F2R: variants seen among roughly 807,000 people sequenced by gnomAD.
The protein encoded by F2R is proteinase-activated receptor 1.
F2R carries 12 observed loss-of-function variants against 18.3 expected under a neutral mutation model. The ratio of observed to expected loss-of-function variants is 0.66; its 90% CI spans 0.42 to 1.06. F2R has a LOEUF of 1.06. F2R is among the 50% of genes least tolerant of loss of function. F2R has a pLI of 0.00. For missense variants in F2R, 438 were observed against 530.8 expected, an observed-to-expected ratio of 0.83 and a Z score of 1.72; for synonymous variants, 210 against 219.9, an observed-to-expected ratio of 0.95 and a Z score of 0.40.
chr5:76,716,370 T>C lies in F2R; in HGVS notation c.63T>C (p.Ser21=), dbSNP rs1181174026. 2.1e-6 allele frequency: 3 copies of C among 1,461,218 alleles called. No homozygotes were observed. Among genetic ancestry groups the C allele is most frequent in the Admixed American group, 5.1e-5 (2 of 39,564 alleles). The allele number at this position is 1,461,218 out of a possible 1,614,324, so 90.5% of individuals were successfully genotyped here. A position where few individuals can be genotyped will look rare whatever the true frequency, so the allele number is the denominator to read the frequency against. The change falls in exon 1 of 2, where the codon TCT becomes TCC. Residue 21 remains serine (S), a synonymous_variant. Transcript: ENST00000319211. ...ACFSLCGPLL[S]ARTRARRPES... is the part of the protein sequence containing the mutation. Reference sequence around the variant, plus strand: ...TCAGTCTGTGCGGCCCGCTGTTGTCTGCCCGCACCCGGGCCCGCAGGCCAG... The same window carrying C: ...TCAGTCTGTGCGGCCCGCTGTTGTCCGCCCGCACCCGGGCCCGCAGGCCAG...
Position 76,733,257 on chromosome 5 carries a change from C to T in F2R, c.1032C>T (p.Ser344=). 6.2e-7 allele frequency: 1 copy of T among 1,614,166 alleles called. No individual in the cohort carries two copies. Among genetic ancestry groups the T allele is most frequent in the South Asian group, 1.1e-5 (1 of 91,084 alleles). The change falls in exon 2 of 2, where the codon TCC becomes TCT. Residue 344 remains serine (S), a synonymous_variant. Coordinates refer to ENST00000319211, the MANE Select transcript of F2R (RefSeq NM_001992.5). ...IAHYSFLSHT[S]TTEAAYFAYL... The stretch of plus-strand genomic sequence containing the variant: ...ATTACTCATTCCTTTCTCACACTTC[C>T]ACCACAGAGGCTGCCTACTTTGCCT...
intron 1 of F2R, among the ~76,000 whole-genome samples, chr5:76,727,854 C>T (rs180841163): frequency 8.1e-5 from 12 of 148,786 alleles, no homozygotes; most frequent in East Asian, 2.0e-4. Flanking sequence ...GGTTGGTTTC[C>T]GCTCACTGTC....
chr5:76,727,445 T>TTG (rs1340862809), intron 1 of F2R, among the ~76,000 whole-genome samples: 3 of 152,224 alleles, frequency 2.0e-5, no homozygotes, highest in Non-Finnish European at 4.4e-5. Flanking sequence ...GTTCTTACCC[T>TTG]TAAGGATCAA....
At chr5:76,726,787 T>A (rs1370537892) in intron 1 of F2R, among the ~76,000 whole-genome samples, 3 of 151,962 alleles carry the variant, frequency 2.0e-5, no homozygotes, top group Admixed American at 6.6e-5. Context: ...ACAAAAAAAA[T>A]TAAAAATAAA....
chr5:76,716,903 C>T, intron 1 of F2R: 1 of 489,286 alleles, frequency 2.0e-6, no homozygotes, highest in Non-Finnish European at 3.6e-6. Context: ...GCATGTTTAG[C>T]AGAGAATCAG....
intron 1 of F2R, among the ~76,000 whole-genome samples, chr5:76,727,669 A>G (rs2227831): frequency 0.026 from 3,974 of 152,126 alleles, 57 homozygotes; most frequent in Non-Finnish European, 0.039. Context: ...ATAGATGCCA[A>G]CATATTGTAT....
At chr5:76,717,088 C>T (rs27593) in intron 1 of F2R, among the ~76,000 whole-genome samples, 113,302 of 152,140 alleles carry the variant, frequency 0.74, 42,315 homozygotes, top group Middle Eastern at 0.77. Flanking sequence ...CTCCCCAGGA[C>T]CGGGCTCCCT....
At chr5:76,731,008 C>G (rs1010935112) in intron 1 of F2R, among the ~76,000 whole-genome samples, 1 of 152,208 alleles carries the variant, frequency 6.6e-6, no homozygotes, top group Non-Finnish European at 1.5e-5. Flanking sequence ...CCAGGAACCT[C>G]CATGTGTTCA....
At chr5:76,726,700 C>CA (rs886115667) in intron 1 of F2R, among the ~76,000 whole-genome samples, 4 of 150,204 alleles carry the variant, frequency 2.7e-5, no homozygotes, top group East Asian at 3.9e-4. Context: ...GACTCCATCT[C>CA]AAAAAAAAAT....
Position 76,732,764 on chromosome 5 carries a change from C to T in F2R, c.539C>T (p.Ala180Val). ...FGSELCRFVT[A>V]AFYCNMYASI... is the part of the protein sequence containing the mutation. ...TCTGAATTGTGTCGCTTCGTCACTG[C>T]AGCATTTTACTGTAACATGTACGCC... is the stretch of plus-strand genomic sequence containing the variant. The change falls in exon 2 of 2, where the codon GCA becomes GTA. Residue 180 changes from alanine to valine, a missense_variant. Physicochemically the swap from Ala to Val is moderately conservative, Grantham distance 64. Transcript: ENST00000319211. 6.2e-7 allele frequency: 1 copy of T among 1,614,190 alleles called. No homozygotes were observed. The highest frequency in any genetic ancestry group is 1.1e-5 in the South Asian group (1 of 91,088).
Position 76,732,738 on chromosome 5 carries a change from G to A in F2R, c.513G>A (p.Gly171=), listed in dbSNP as rs900744536. 2.5e-6 allele frequency: 4 copies of A among 1,614,062 alleles called. No individual in the cohort carries two copies. The highest frequency in any genetic ancestry group is 3.3e-4 in the Middle Eastern group (2 of 6,084). The change falls in exon 2 of 2, where the codon GGG becomes GGA. Residue 171 remains glycine, a synonymous_variant. Coordinates refer to ENST00000319211, the MANE Select transcript of F2R (RefSeq NM_001992.5). ...TTTCCGGCAGTGATTGGCAGTTTGGGTCTGAATTGTGTCGCTTCGTCACTG... is the reference window on the plus strand; with the variant it reads ...TTTCCGGCAGTGATTGGCAGTTTGGATCTGAATTGTGTCGCTTCGTCACTG... ...YYFSGSDWQF[G]SELCRFVTAA... is the part of the protein sequence containing the mutation.
intron 1 of F2R, among the ~76,000 whole-genome samples, chr5:76,728,084 A>G (rs985867579): frequency 3.9e-5 from 6 of 151,920 alleles, no homozygotes; most frequent in Admixed American, 6.6e-5. Flanking sequence ...ACAAAAAATT[A>G]TATATATTTA....
rs571447140 is a variant in F2R, at chr5:76,717,019, A to T, written c.88+624A>T. On this transcript the variant is annotated intron_variant, in intron 1 of 1. Transcript: ENST00000319211. ...CGTGGTGGCGGGGGAGGGGACATGG[A>T]GAGGATTTTGTTGTTACCTAGAACC... is the stretch of plus-strand genomic sequence containing the variant. Among the ~76,000 whole-genome samples the T allele has an allele frequency of 3.3e-5, 5 of 152,134 alleles. No homozygotes were observed. In the South Asian group the frequency reaches 1.0e-3, roughly 31 times the overall value.
At chr5:76,721,758 T>C (rs1028380337) in intron 1 of F2R, among the ~76,000 whole-genome samples, 1 of 152,150 alleles carries the variant, frequency 6.6e-6, no homozygotes, top group Non-Finnish European at 1.5e-5. Context: ...AATCATAGTA[T>C]ATATGTAAAC....
chr5:76,722,454 G>A (rs902531593), intron 1 of F2R, among the ~76,000 whole-genome samples: 1 of 152,172 alleles, frequency 6.6e-6, no homozygotes, highest in Admixed American at 6.5e-5. Context: ...CCAAGCAAGA[G>A]CCCACACACT....
In F2R at chr5:76,735,498, A is replaced by T. The variant is rs915716003; in HGVS notation, c.*1995A>T. ...CAAAAAATAAAAATAAATAAAAAATAAAAAAATAAAAGAGCAAACTATTTC... is the reference window on the plus strand; with the variant it reads ...CAAAAAATAAAAATAAATAAAAAATTAAAAAATAAAAGAGCAAACTATTTC... On this transcript the variant is annotated 3_prime_UTR_variant, in exon 2 of 2. Transcript: ENST00000319211. 1.3e-5 allele frequency: 2 copies of T among 152,076 alleles called. No homozygotes were observed. Among genetic ancestry groups the T allele is most frequent in the African/African-American group, 4.8e-5 (2 of 41,428 alleles). 9.4% of individuals were successfully genotyped at this position (152,076 alleles called of 1,614,324 possible). A position where few individuals can be genotyped will look rare whatever the true frequency, so the allele number is the denominator to read the frequency against.
chr5:76,721,458 C>A (rs549936982), intron 1 of F2R, among the ~76,000 whole-genome samples: 1 of 152,276 alleles, frequency 6.6e-6, no homozygotes, highest in East Asian at 1.9e-4. Context: ...AGGGCCCTGA[C>A]GGTCCTATAT....
chr5:76,717,080 C>T (rs1748361385), intron 1 of F2R, among the ~76,000 whole-genome samples: 1 of 152,202 alleles, frequency 6.6e-6, no homozygotes, highest in African/African-American at 2.4e-5. Flanking sequence ...AGAGATCCCT[C>T]CCCAGGACCG....
intron 1 of F2R, 135 bp downstream of exon 1, chr5:76,716,530 G>A (rs2227746): frequency 0.011 from 8,933 of 842,632 alleles, 315 homozygotes; most frequent in African/African-American, 0.09. Flanking sequence ...GCTGAGATCT[G>A]GAGTTTTTTC....
Sources: allele counts gnomAD v4.1 joint callset (sites outside exome capture counted in the v4.1 genomes callset), GRCh38; gene constraint gnomAD v4.1.1; transcripts MANE v1.5; gene names NCBI Gene and HGNC (gene_info 2026-07-23, HGNC 2026-07-21).